Variants in CFAP95 observed in about 807,000 individuals in gnomAD.
CFAP95 encodes the protein cilia and flagella associated protein 95.
At chr9:69,867,265 A>AGCACAT in the CFAP95 span, among the ~76,000 whole-genome samples, 11 of 152,322 alleles carry the variant, frequency 7.2e-5, no homozygotes, top group East Asian at 1.3e-3. Flanking sequence ...TATATGTGAA[A>AGCACAT]GCACATGATA....
the CFAP95 span, among the ~76,000 whole-genome samples, chr9:69,845,053 C>T: frequency 9.2e-5 from 14 of 152,204 alleles, no homozygotes; most frequent in African/African-American, 2.2e-4. Context: ...ACAGCTAGGG[C>T]GTGGAAGAGG....
the CFAP95 span, chr9:69,820,964 C>T: frequency 2.4e-5 from 38 of 1,613,812 alleles, no homozygotes; most frequent in Non-Finnish European, 2.9e-5. Flanking sequence ...CTTGGTGGAG[C>T]GCAAGGGCTC....
At chr9:69,857,091 A>G in the CFAP95 span, among the ~76,000 whole-genome samples, 1 of 152,336 alleles carries the variant, frequency 6.6e-6, no homozygotes, top group African/African-American at 2.4e-5. Flanking sequence ...TAGACGAAAT[A>G]AAGTATGAAG....
At chr9:69,880,346 C>G in the CFAP95 span, among the ~76,000 whole-genome samples, 2 of 152,150 alleles carry the variant, frequency 1.3e-5, no homozygotes, top group Non-Finnish European at 2.9e-5. Flanking sequence ...CTTCTACTCC[C>G]TATGTCCATG....
chr9:69,838,201 A>C, the CFAP95 span, among the ~76,000 whole-genome samples: 8 of 152,126 alleles, frequency 5.3e-5, no homozygotes, highest in Non-Finnish European at 7.4e-5. Context: ...CTTAGGATTG[A>C]CTTGGCAATG....
the CFAP95 span, among the ~76,000 whole-genome samples, chr9:69,857,660 G>T: frequency 1.3e-5 from 2 of 152,050 alleles, no homozygotes; most frequent in African/African-American, 4.8e-5. Context: ...GAGTAGCTAG[G>T]GCTACAGGCA....
chr9:69,856,119 G>A, the CFAP95 span, among the ~76,000 whole-genome samples: 1 of 152,092 alleles, frequency 6.6e-6, no homozygotes, highest in East Asian at 1.9e-4. Context: ...CGCAATAATT[G>A]CTTAGTAATT....
the CFAP95 span, among the ~76,000 whole-genome samples, chr9:69,846,964 A>G: frequency 6.6e-6 from 1 of 152,168 alleles, no homozygotes; most frequent in Non-Finnish European, 1.5e-5. Flanking sequence ...CTCTTTCTCC[A>G]GTTGAGAGAG....
At chr9:69,856,496 GT>G in the CFAP95 span, 1 of 954,666 alleles carries the variant, frequency 1.0e-6, no homozygotes, top group African/African-American at 1.7e-5. Flanking sequence ...ACATGTTTTA[GT>G]AACTGACCAT....
At chr9:69,826,018 G>A in the CFAP95 span, among the ~76,000 whole-genome samples, 1 of 152,152 alleles carries the variant, frequency 6.6e-6, no homozygotes, top group Non-Finnish European at 1.5e-5. Context: ...CCTATAGGAA[G>A]AAACCAGAAA....
chr9:69,832,331 TTGTG>T, the CFAP95 span, among the ~76,000 whole-genome samples: 2 of 152,214 alleles, frequency 1.3e-5, no homozygotes, highest in African/African-American at 4.8e-5. Context: ...GAATTTTTCT[TTGTG>T]TGTAAAACAA....
chr9:69,897,648 G>C, the CFAP95 span, among the ~76,000 whole-genome samples: 9 of 152,282 alleles, frequency 5.9e-5, no homozygotes, highest in African/African-American at 1.9e-4. Context: ...CTATACAGTT[G>C]ACTAAGAAGT....
At chr9:69,841,670 A>G in the CFAP95 span, among the ~76,000 whole-genome samples, 2 of 152,198 alleles carry the variant, frequency 1.3e-5, no homozygotes, top group Admixed American at 6.5e-5. Context: ...GTAATTTATA[A>G]AGGAAAGAGG....
chr9:69,836,775 A>C, the CFAP95 span, among the ~76,000 whole-genome samples: 1 of 146,498 alleles, frequency 6.8e-6, no homozygotes, highest in Non-Finnish European at 1.5e-5. Context: ...ACATGTGCAC[A>C]TTGTGCAGGT....
At chr9:69,868,669 A>G in the CFAP95 span, among the ~76,000 whole-genome samples, 3 of 151,674 alleles carry the variant, frequency 2.0e-5, no homozygotes, top group East Asian at 5.8e-4. Flanking sequence ...CTCCAAAAAA[A>G]AAAAAAAACC....
chr9:69,895,369 C>CTCTCTCTGTGTGTGTGTGTG, the CFAP95 span, among the ~76,000 whole-genome samples: 203 of 107,880 alleles, frequency 1.9e-3, 1 homozygote, highest in Non-Finnish European at 2.8e-3. Context: ...CTCTCTCTCT[C>CTCTCTCTGTGTGTGTGTGTG]TGTGTGTGTG....
the CFAP95 span, among the ~76,000 whole-genome samples, chr9:69,869,131 G>A: frequency 1.3e-5 from 2 of 152,128 alleles, no homozygotes; most frequent in African/African-American, 4.8e-5. Context: ...TGATTTATAA[G>A]TCACACTTCC....
the CFAP95 span, among the ~76,000 whole-genome samples, chr9:69,870,543 A>C: frequency 6.6e-6 from 1 of 152,202 alleles, no homozygotes; most frequent in Non-Finnish European, 1.5e-5. Flanking sequence ...GATGGTTGCT[A>C]TACCTCCAAT....
the CFAP95 span, among the ~76,000 whole-genome samples, chr9:69,883,245 C>T: frequency 6.6e-6 from 1 of 152,188 alleles, no homozygotes; most frequent in Non-Finnish European, 1.5e-5. Context: ...CAGGAGCATT[C>T]TCTCATACAG....
Sources: allele counts gnomAD v4.1 joint callset (sites outside exome capture counted in the v4.1 genomes callset), GRCh38; gene constraint gnomAD v4.1.1; transcripts MANE v1.5; gene names NCBI Gene and HGNC (gene_info 2026-07-23, HGNC 2026-07-21).